Variants in CACNA2D3 observed in about 807,000 individuals in gnomAD.
The protein encoded by CACNA2D3 is calcium voltage-gated channel auxiliary subunit alpha2delta 3.
Under a neutral mutation model 160.6 loss-of-function variants are expected in CACNA2D3, and 60 were observed. The ratio of observed to expected loss-of-function variants is 0.37; its 90% CI spans 0.30 to 0.46. The LOEUF (loss-of-function observed/expected upper bound fraction) is 0.46, where lower values mean the gene tolerates loss of function less well. Among genes scored for constraint, CACNA2D3 ranks in the 20% least tolerant of loss-of-function variants. The pLI is 1.00. For synonymous variants in CACNA2D3, 558 were observed against 492.9 expected (o/e 1.13, Z -1.75); for missense variants, 1,205 against 1,365.0 (o/e 0.88, Z 1.85).
chr3:54,899,887 C>T lies in CACNA2D3; in HGVS notation c.2449+19C>T, dbSNP rs761562777. Reference sequence around the variant, plus strand: ...GTGGCAGGTAAATAATTGATTGAATCCATGAAGACAAAGTAAGCATGGCGC... The same window carrying T: ...GTGGCAGGTAAATAATTGATTGAATTCATGAAGACAAAGTAAGCATGGCGC... On this transcript the variant is annotated intron_variant, in intron 27 of 37. Transcript: ENST00000474759. 1.3e-5 allele frequency: 20 copies of T among 1,550,548 alleles called. No individual in the cohort carries two copies. The South Asian group carries it at 2.1e-4, about 16-fold the overall frequency.
intron 2 of CACNA2D3, among the ~76,000 whole-genome samples, chr3:54,184,888 T>C (rs931097478): frequency 6.6e-6 from 1 of 152,164 alleles, no homozygotes; most frequent in African/African-American, 2.4e-5. Context: ...GCCCCAACCA[T>C]TTCTAGTATT....
intron 35 of CACNA2D3, among the ~76,000 whole-genome samples, chr3:55,045,851 TGTTA>T (rs1208820445): frequency 7.9e-5 from 12 of 152,072 alleles, no homozygotes; most frequent in South Asian, 2.1e-4. Context: ...AAGAACCAGC[TGTTA>T]GTTTGATTTC....
At chr3:54,249,174 T>C (rs1043349482) in intron 2 of CACNA2D3, among the ~76,000 whole-genome samples, 1 of 152,196 alleles carries the variant, frequency 6.6e-6, no homozygotes, top group Non-Finnish European at 1.5e-5. Flanking sequence ...GGAAGAAGTA[T>C]GACCTTGTTG....
intron 11 of CACNA2D3, among the ~76,000 whole-genome samples, chr3:54,678,461 G>A (rs9817791): frequency 0.065 from 9,918 of 152,088 alleles, 1,035 homozygotes; most frequent in African/African-American, 0.22. Flanking sequence ...GGTGGCTCAC[G>A]CCTGTAATCC....
chr3:54,288,957 A>G (rs982929936), intron 2 of CACNA2D3, among the ~76,000 whole-genome samples: 13 of 152,186 alleles, frequency 8.5e-5, no homozygotes, highest in African/African-American at 2.7e-4. Flanking sequence ...ACCCACAGCC[A>G]ATATCATACT....
intron 3 of CACNA2D3, among the ~76,000 whole-genome samples, chr3:54,370,636 C>G (rs779149720): frequency 6.6e-6 from 1 of 151,974 alleles, no homozygotes; most frequent in African/African-American, 2.4e-5. Flanking sequence ...CTTATTGTAC[C>G]CATTAAAGAA....
chr3:54,611,785 AGAGAG>A (rs1240911909), intron 9 of CACNA2D3, among the ~76,000 whole-genome samples: 1 of 152,120 alleles, frequency 6.6e-6, no homozygotes, highest in African/African-American at 2.4e-5. Context: ...CAGGATGTGG[AGAGAG>A]AAGAGTGAAA....
At chr3:54,406,629 A>T (rs968627768) in intron 4 of CACNA2D3, among the ~76,000 whole-genome samples, 2 of 152,120 alleles carry the variant, frequency 1.3e-5, no homozygotes, top group Middle Eastern at 3.2e-3. Context: ...AGATATATAG[A>T]GATAGAGAAT....
intron 35 of CACNA2D3, among the ~76,000 whole-genome samples, chr3:55,051,092 C>T (rs1375934802): frequency 6.7e-6 from 1 of 149,594 alleles, no homozygotes; most frequent in Non-Finnish European, 1.5e-5. Context: ...CTGAAGCCTT[C>T]TTCTCTCAGC....
intron 2 of CACNA2D3, among the ~76,000 whole-genome samples, chr3:54,232,862 A>G (rs930270408): frequency 3.3e-5 from 5 of 152,172 alleles, no homozygotes; most frequent in Non-Finnish European, 7.3e-5. Flanking sequence ...ACGCCCATCA[A>G]TTGCCTTGGA....
chr3:54,829,472 G>A (rs527937447), intron 14 of CACNA2D3, among the ~76,000 whole-genome samples: 2 of 152,232 alleles, frequency 1.3e-5, no homozygotes, highest in East Asian at 1.9e-4. Flanking sequence ...GACTTTGTTT[G>A]GGGAAGGTAT....
At chr3:55,032,289 C>G (rs1575444023) in intron 35 of CACNA2D3, among the ~76,000 whole-genome samples, 1 of 152,270 alleles carries the variant, frequency 6.6e-6, no homozygotes, top group East Asian at 1.9e-4. Context: ...TACTAGTCAT[C>G]TGTGTAGCCA....
intron 13 of CACNA2D3, among the ~76,000 whole-genome samples, chr3:54,786,267 T>G (rs1702639767): frequency 6.6e-6 from 1 of 152,206 alleles, no homozygotes; most frequent in South Asian, 2.1e-4. Context: ...CTGACATTTT[T>G]TTGTTTACCA....
At chr3:54,740,418 G>A (rs1701626837) in intron 11 of CACNA2D3, among the ~76,000 whole-genome samples, 1 of 152,078 alleles carries the variant, frequency 6.6e-6, no homozygotes, top group African/African-American at 2.4e-5. Context: ...AGTCCTACCG[G>A]CAGCTTCCTA....
chr3:54,689,361 G>A (rs560336183), intron 11 of CACNA2D3, among the ~76,000 whole-genome samples: 2 of 152,098 alleles, frequency 1.3e-5, no homozygotes, highest in African/African-American at 4.8e-5. Flanking sequence ...CCCAGGGATG[G>A]TGTGATCTGG....
chr3:55,007,446 C>G (rs1027282525), intron 32 of CACNA2D3, among the ~76,000 whole-genome samples: 5 of 152,184 alleles, frequency 3.3e-5, no homozygotes, highest in African/African-American at 7.2e-5. Context: ...TTATATGATT[C>G]CAGCCCCCTC....
chr3:54,739,703 G>A (rs982703005), intron 11 of CACNA2D3, among the ~76,000 whole-genome samples: 5 of 151,318 alleles, frequency 3.3e-5, no homozygotes, highest in Non-Finnish European at 5.9e-5. Flanking sequence ...TTGTGGGGAG[G>A]GTGCAGTAGC....
intron 11 of CACNA2D3, among the ~76,000 whole-genome samples, chr3:54,728,180 C>G (rs1356211744): frequency 6.7e-6 from 1 of 149,662 alleles, no homozygotes; most frequent in Non-Finnish European, 1.5e-5. Flanking sequence ...TTCCTTTGCC[C>G]CATTCTTTTT....
intron 4 of CACNA2D3, among the ~76,000 whole-genome samples, chr3:54,413,979 T>C (rs992974483): frequency 2.0e-5 from 3 of 151,718 alleles, no homozygotes; most frequent in African/African-American, 7.2e-5. Context: ...CATTGTGTTA[T>C]ATGTTTTACT....
Sources: allele counts gnomAD v4.1 joint callset (sites outside exome capture counted in the v4.1 genomes callset), GRCh38; gene constraint gnomAD v4.1.1; transcripts MANE v1.5; gene names NCBI Gene and HGNC (gene_info 2026-07-23, HGNC 2026-07-21).